Variants in RUVBL1 observed in about 807,000 individuals in gnomAD.
RUVBL1 encodes ruvB-like 1.
Under a neutral mutation model 52.4 loss-of-function variants are expected in RUVBL1, and 4 were observed. The ratio of observed to expected loss-of-function variants is 0.08; its 90% CI spans 0.04 to 0.17. The LOEUF (loss-of-function observed/expected upper bound fraction) is 0.17. Ranked by LOEUF, RUVBL1 falls within the 10% of genes least tolerant of loss-of-function variation. The pLI is 1.00. For missense variants in RUVBL1, 298 were observed against 572.8 expected (o/e 0.52, Z 4.90); for synonymous variants, 217 against 214.4 (o/e 1.01, Z -0.10).
At chr3:128,150,642 C>T (rs57107212) in intron 1 of RUVBL1, among the ~76,000 whole-genome samples, 2,712 of 105,588 alleles carry the variant, frequency 0.026, 92 homozygotes, top group African/African-American at 0.077. Context: ...ATATTCTATA[C>T]ATATATTCTA....
intron 9 of RUVBL1, among the ~76,000 whole-genome samples, chr3:128,074,773 C>T (rs751342592): frequency 8.6e-5 from 11 of 128,630 alleles, no homozygotes; most frequent in Non-Finnish European, 1.4e-4. Flanking sequence ...ACCCGGGAGG[C>T]GGTGGTTGCA....
intron 9 of RUVBL1, chr3:128,071,646 TG>T (rs1170677269): frequency 6.6e-6 from 1 of 152,590 alleles, no homozygotes; most frequent in Non-Finnish European, 1.5e-5. Flanking sequence ...TGAGATAAGG[TG>T]AATAAGTGAC....
chr3:128,065,220 C>T, exon 10 of RUVBL1: 1 of 725,086 alleles, frequency 1.4e-6, no homozygotes, highest in Admixed American at 2.1e-5. Context: ...AGTCATGGGA[C>T]CTGCCATTAA....
Position 128,097,378 on chromosome 3 carries a change from G to A in RUVBL1, c.938C>T (p.Thr313Ile). ...AGACTCCAGGGCGCGGTGCAGGTAGGTGAAGCACTCAATGTCCAGCATGTG... is the reference window on the plus strand; with the variant it reads ...AGACTCCAGGGCGCGGTGCAGGTAGATGAAGCACTCAATGTCCAGCATGTG... ...EVHMLDIECF[T>I]YLHRALESSI... Residue 313 changes from threonine (T) to isoleucine (I), a missense_variant, in exon 8 of 11, where the codon ACC becomes ATC. Thr to Ile is a moderately conservative substitution (Grantham distance 89, BLOSUM62 -1). Transcript: ENST00000322623. The A allele has an allele frequency of 1.2e-6, 2 of 1,614,182 alleles. No homozygotes were observed. The highest frequency in any genetic ancestry group is 8.5e-7 in the Non-Finnish European group (1 of 1,180,028).
At chr3:128,123,483 C>T (rs1943707871) in intron 1 of RUVBL1, 101 bp downstream of exon 1, 3 of 1,292,230 alleles carry the variant, frequency 2.3e-6, no homozygotes, top group African/African-American at 1.5e-5. Context: ...TGGCGGGAGA[C>T]CCCTGGCGCG....
At chr3:128,116,413 C>T (rs142326801) in intron 2 of RUVBL1, among the ~76,000 whole-genome samples, 24 of 151,912 alleles carry the variant, frequency 1.6e-4, no homozygotes, top group African/African-American at 5.6e-4. Context: ...CCTGTAATCC[C>T]AGCTACCCAG....
At chr3:128,130,635 A>G (rs1315216467) in intron 1 of RUVBL1, among the ~76,000 whole-genome samples, 2 of 142,550 alleles carry the variant, frequency 1.4e-5, no homozygotes, top group African/African-American at 5.4e-5. Flanking sequence ...TTATGTATTT[A>G]TTTATTTATT....
intron 2 of RUVBL1, among the ~76,000 whole-genome samples, chr3:128,116,515 C>G (rs1485970923): frequency 7.0e-6 from 1 of 143,754 alleles, no homozygotes; most frequent in Non-Finnish European, 1.5e-5. Flanking sequence ...GGCAAGAGAG[C>G]GAGACTTCAT....
chr3:128,066,729 T>C (rs1047029698), intron 9 of RUVBL1: 37 of 569,466 alleles, frequency 6.5e-5, no homozygotes, highest in African/African-American at 2.3e-4. Flanking sequence ...TAGCCTTCAG[T>C]GTATTTTTAA....
chr3:128,066,777 C>T, intron 9 of RUVBL1: 1 of 613,504 alleles, frequency 1.6e-6, no homozygotes, highest in South Asian at 2.0e-5. Flanking sequence ...GTGCCAAGTG[C>T]AGGAGTGCAG....
intron 8 of RUVBL1, among the ~76,000 whole-genome samples, chr3:128,094,755 C>G (rs951496546): frequency 6.6e-5 from 10 of 152,250 alleles, no homozygotes; most frequent in Admixed American, 5.9e-4. Flanking sequence ...CCTTCCCCCT[C>G]TCTTTCCTTC....
At chr3:128,074,842 C>CAA (rs386397876) in intron 9 of RUVBL1, among the ~76,000 whole-genome samples, 177 of 71,482 alleles carry the variant, frequency 2.5e-3, no homozygotes, top group Middle Eastern at 0.014. Context: ...AACTCCGTCT[C>CAA]AAAAAAAAAA....
At chr3:128,107,705 A>G (rs1466600738) in intron 3 of RUVBL1, among the ~76,000 whole-genome samples, 1 of 152,224 alleles carries the variant, frequency 6.6e-6, no homozygotes, top group Non-Finnish European at 1.5e-5. Context: ...TTTGTGCTTT[A>G]CCAAATTCTT....
At chr3:128,085,945 C>A (rs1342014634) in intron 9 of RUVBL1, among the ~76,000 whole-genome samples, 1 of 152,228 alleles carries the variant, frequency 6.6e-6, no homozygotes, top group Non-Finnish European at 1.5e-5. Context: ...AGTCCCATTA[C>A]CTGCTAGCCA....
upstream of RUVBL1, among the ~76,000 whole-genome samples, chr3:128,124,048 C>T (rs1024313142): frequency 1.3e-5 from 2 of 152,136 alleles, no homozygotes; most frequent in African/African-American, 4.8e-5. Flanking sequence ...GGGCGTTGCA[C>T]GAGGCAGTGG....
intron 3 of RUVBL1, among the ~76,000 whole-genome samples, chr3:128,106,800 G>A (rs1377722828): frequency 2.0e-5 from 3 of 152,120 alleles, no homozygotes; most frequent in East Asian, 3.9e-4. Flanking sequence ...CTGTATCACC[G>A]AAACACCCTC....
intron 9 of RUVBL1, among the ~76,000 whole-genome samples, chr3:128,066,454 G>A (rs1036131509): frequency 2.6e-5 from 4 of 151,970 alleles, no homozygotes; most frequent in African/African-American, 7.2e-5. Context: ...ACAGGGTCTC[G>A]TTGTGTTGCT....
intron 3 of RUVBL1, among the ~76,000 whole-genome samples, chr3:128,108,112 G>A (rs961435875): frequency 6.6e-6 from 1 of 152,166 alleles, no homozygotes; most frequent in Non-Finnish European, 1.5e-5. Flanking sequence ...GCTGGCTCAG[G>A]TTTCTATATC....
intron 5 of RUVBL1, among the ~76,000 whole-genome samples, 174 bp from the exon 6 acceptor site, chr3:128,100,918 A>C (rs1244943178): frequency 1.3e-5 from 2 of 152,232 alleles, no homozygotes; most frequent in Non-Finnish European, 2.9e-5. Context: ...CTATCTGCTC[A>C]TCGCTGGGCT....
Sources: gnomAD v4.1 joint callset for allele counts (sites outside exome capture counted in the v4.1 genomes callset) on GRCh38, gnomAD v4.1.1 for gene constraint, MANE v1.5 for transcripts, NCBI Gene and HGNC (gene_info 2026-07-23, HGNC 2026-07-21) for gene names.